PTPRT: variants seen among roughly 807,000 people sequenced by gnomAD.
PTPRT encodes receptor-type tyrosine-protein phosphatase T.
PTPRT carries 56 observed loss-of-function variants against 176.8 expected under a neutral mutation model. The observed-to-expected ratio is 0.32, with a 90% CI of 0.26 to 0.40. The LOEUF is 0.40. Among genes scored for constraint, PTPRT ranks in the 10% least tolerant of loss-of-function variants. The pLI, the probability that PTPRT is intolerant of heterozygous loss-of-function variation, is 1.00. For missense variants in PTPRT, 1,540 were observed against 1,908.2 expected, an observed-to-expected ratio of 0.81 and a Z score of 3.60; for synonymous variants, 783 against 739.0, an observed-to-expected ratio of 1.06 and a Z score of -0.96.
rs552960636 is a variant in PTPRT at position 42,669,839 on chromosome 20, C to T, written c.1153+8027G>A. 2.6e-5 allele frequency among the ~76,000 whole-genome samples: 4 copies of T among 152,222 alleles called. No homozygotes were observed. In the South Asian group the frequency reaches 8.3e-4, roughly 32 times the overall value. Reference sequence around the variant, plus strand: ...AGAGAGTCTGGATTCACTTCCAATCCCTTTTTGCTCTGGGCTTGAAAGGCC... The same window carrying T: ...AGAGAGTCTGGATTCACTTCCAATCTCTTTTTGCTCTGGGCTTGAAAGGCC... On this transcript the variant is annotated intron_variant, in intron 7 of 30. Coordinates refer to ENST00000373187, the MANE Select transcript of PTPRT (RefSeq NM_007050.6).
chr20:42,738,513 A>C lies in PTPRT; in HGVS notation c.859+17949T>G, dbSNP rs55796719. On this transcript the variant is annotated intron_variant, in intron 6 of 30. Transcript: ENST00000373187. ...AACAGAGTGAGACTCTGTCTTAGAA[A>C]AAAAAAAAGAATGACATTCTTACCA... 3.1e-3 allele frequency among the ~76,000 whole-genome samples: 466 copies of C among 151,998 alleles called. 4 individuals carry two copies. Among genetic ancestry groups the C allele is most frequent in the African/African-American group, 0.011 (448 of 41,462 alleles).
chr20:42,517,674 G>C (rs1199291189), intron 7 of PTPRT, among the ~76,000 whole-genome samples: 1 of 151,908 alleles, frequency 6.6e-6, no homozygotes, highest in Non-Finnish European at 1.5e-5. Flanking sequence ...CACACATTTT[G>C]ACATATAATA....
intron 7 of PTPRT, among the ~76,000 whole-genome samples, chr20:42,616,800 A>C (rs1246560042): frequency 1.5e-5 from 2 of 136,466 alleles, no homozygotes; most frequent in African/African-American, 3.2e-5. Flanking sequence ...TATCCTGAGA[A>C]TTTGCTGAAG....
At chr20:42,700,713 T>A (rs1194844271) in intron 6 of PTPRT, among the ~76,000 whole-genome samples, 1 of 152,182 alleles carries the variant, frequency 6.6e-6, no homozygotes, top group Non-Finnish European at 1.5e-5. Flanking sequence ...TTGATGACTT[T>A]CTGTGTGGCC....
At chr20:42,652,865 C>A (rs1226854827) in intron 7 of PTPRT, among the ~76,000 whole-genome samples, 1 of 152,092 alleles carries the variant, frequency 6.6e-6, no homozygotes, top group African/African-American at 2.4e-5. Context: ...CCCTAAGGAC[C>A]TCATAAAAGG....
chr20:42,891,868 G>T (rs1431728129), intron 1 of PTPRT, among the ~76,000 whole-genome samples: 3 of 152,120 alleles, frequency 2.0e-5, no homozygotes, highest in African/African-American at 7.2e-5. Context: ...CTCTAAGACA[G>T]GAGTCATCAA....
At chr20:42,452,267 CA>C (rs200511615) in intron 8 of PTPRT, among the ~76,000 whole-genome samples, 1,236 of 117,946 alleles carry the variant, frequency 0.01, 7 homozygotes, top group African/African-American at 0.014. Context: ...GACTCCATCT[CA>C]AAAAAAAAAA....
At chr20:42,834,773 A>G (rs971034156) in intron 2 of PTPRT, among the ~76,000 whole-genome samples, 1 of 152,136 alleles carries the variant, frequency 6.6e-6, no homozygotes, top group Admixed American at 6.5e-5. Context: ...TAATGGATAT[A>G]TGATTCTACA....
intron 9 of PTPRT, among the ~76,000 whole-genome samples, chr20:42,447,081 CTTCATCAA>C (rs2145849269): frequency 6.6e-6 from 1 of 152,238 alleles, no homozygotes; most frequent in South Asian, 2.1e-4. Context: ...AGTACTTTTC[CTTCATCAA>C]ATACTCCTTG....
At chr20:42,225,806 C>A (rs771278306) in intron 15 of PTPRT, among the ~76,000 whole-genome samples, 1 of 152,266 alleles carries the variant, frequency 6.6e-6, no homozygotes, top group African/African-American at 2.4e-5. Context: ...GTGTGCACCA[C>A]CCCACCAGGC....
chr20:42,810,312 A>G (rs1262513544), intron 2 of PTPRT, among the ~76,000 whole-genome samples: 1 of 152,098 alleles, frequency 6.6e-6, no homozygotes, highest in Non-Finnish European at 1.5e-5. Flanking sequence ...CAAAAAATAA[A>G]ATAAAATAAA....
chr20:42,389,082 C>G (rs2058773561), intron 9 of PTPRT, among the ~76,000 whole-genome samples: 1 of 147,436 alleles, frequency 6.8e-6, no homozygotes, highest in African/African-American at 2.5e-5. Flanking sequence ...ACAATGAGAA[C>G]ACTCGGACAC....
chr20:43,129,613 C>CTTTTTTT (rs869293740), intron 1 of PTPRT, among the ~76,000 whole-genome samples: 29 of 87,270 alleles, frequency 3.3e-4, no homozygotes, highest in East Asian at 4.3e-4. Context: ...CCAAAGAGTT[C>CTTTTTTT]TTTTTTTTTT....
intron 6 of PTPRT, among the ~76,000 whole-genome samples, chr20:42,733,280 T>C (rs2076489932): frequency 6.6e-6 from 1 of 152,214 alleles, no homozygotes. Context: ...CTTGGGTTTA[T>C]GTCCCTTTAG....
chr20:42,380,935 G>C (rs1443492981), intron 9 of PTPRT, among the ~76,000 whole-genome samples: 1 of 152,146 alleles, frequency 6.6e-6, no homozygotes, highest in Non-Finnish European at 1.5e-5. Context: ...CTTCTGGGGA[G>C]GCCTCAGGAA....
intron 1 of PTPRT, among the ~76,000 whole-genome samples, chr20:43,094,216 T>C (rs923151162): frequency 1.3e-5 from 2 of 149,758 alleles, no homozygotes; most frequent in African/African-American, 2.5e-5. Flanking sequence ...GCCTCCCGAG[T>C]AGCTGGGGCT....
intron 27 of PTPRT, among the ~76,000 whole-genome samples, chr20:42,087,765 C>T (rs1412387217): frequency 6.7e-6 from 1 of 148,886 alleles, no homozygotes. Context: ...CCCAGCTACT[C>T]AGGAGGCTGA....
intron 2 of PTPRT, among the ~76,000 whole-genome samples, chr20:42,809,941 C>G (rs896416081): frequency 6.6e-6 from 1 of 152,184 alleles, no homozygotes; most frequent in Non-Finnish European, 1.5e-5. Flanking sequence ...TACAACTACA[C>G]TGGGTGACTC....
intron 6 of PTPRT, among the ~76,000 whole-genome samples, chr20:42,728,590 T>C (rs1191522587): frequency 2.0e-5 from 3 of 152,126 alleles, no homozygotes; most frequent in Non-Finnish European, 4.4e-5. Flanking sequence ...ATATACAGTA[T>C]CTCATTTAAT....
Sources: gnomAD v4.1 joint callset for allele counts (sites outside exome capture counted in the v4.1 genomes callset) on GRCh38, gnomAD v4.1.1 for gene constraint, MANE v1.5 for transcripts, NCBI Gene and HGNC (gene_info 2026-07-23, HGNC 2026-07-21) for gene names.